The following STPG4 variants were observed in gnomAD, a reference collection of about 807,000 sequenced individuals.
STPG4 encodes protein STPG4.
In STPG4, 41 loss-of-function variants were observed where a neutral mutation model predicts 31.5. The ratio of observed to expected loss-of-function variants is 1.30; its 90% confidence interval spans 1.01 to 1.69. The LOEUF (loss-of-function observed/expected upper bound fraction) is 1.69. Among genes scored for constraint, STPG4 ranks in the 40% most tolerant of loss-of-function variants. The probability of loss-of-function intolerance (pLI) is 0.00; values close to 1 mark genes in which losing one functional copy is unlikely to be tolerated. For missense variants in STPG4, 375 were observed against 293.4 expected (o/e 1.28, Z -2.03); for synonymous variants, 141 against 103.0 (o/e 1.37, Z -2.24).
intron 5 of STPG4, among the ~76,000 whole-genome samples, chr2:47,099,024 G>A (rs748716427): frequency 6.6e-6 from 1 of 152,196 alleles, no homozygotes; most frequent in Non-Finnish European, 1.5e-5. Flanking sequence ...CGATACCTCT[G>A]AAGTCTACCT....
chr2:47,121,007 G>C (rs1488815447), intron 5 of STPG4: 2 of 152,648 alleles, frequency 1.3e-5, no homozygotes, highest in Non-Finnish European at 2.9e-5. Context: ...AGGAATAGTA[G>C]CTGACCTGGC....
intron 6 of STPG4, 91 bp from the exon 7 acceptor site, chr2:47,087,221 A>G (rs1573137800): frequency 6.9e-7 from 1 of 1,442,922 alleles, no homozygotes; most frequent in Non-Finnish European, 9.4e-7. Context: ...GATGTGGTGG[A>G]CAAATTCCCC....
chr2:47,087,399 GC>G (rs1245086382), intron 6 of STPG4, among the ~76,000 whole-genome samples: 6 of 152,228 alleles, frequency 3.9e-5, no homozygotes, highest in African/African-American at 1.4e-4. Context: ...GCTGGGAGAG[GC>G]GGGGTCACAT....
intron 5 of STPG4, among the ~76,000 whole-genome samples, chr2:47,095,792 A>G (rs1460084757): frequency 6.6e-6 from 1 of 152,180 alleles, no homozygotes; most frequent in Non-Finnish European, 1.5e-5. Context: ...CCTGGCAGCT[A>G]GGTGTGGCTG....
At chr2:47,112,523 TCAC>T (rs1358604324) in intron 5 of STPG4, among the ~76,000 whole-genome samples, 3 of 152,230 alleles carry the variant, frequency 2.0e-5, no homozygotes, top group African/African-American at 7.2e-5. Context: ...GAGCTCATTT[TCAC>T]TGATCATGTT....
In STPG4 at chr2:47,114,023, G is replaced by T. The variant is rs192600734; in HGVS notation, c.519+15918C>A. On this transcript the variant is annotated intron_variant, in intron 5 of 6. Transcript: ENST00000445927. ...CAGCCTGGGCGACAAAGTGAGACTT[G>T]TCTCAAAAAAAAAAACAAAAACAAA... Among the ~76,000 whole-genome samples the T allele has an allele frequency of 2.1e-5, 3 of 145,926 alleles. No individual in the cohort carries two copies. In the Admixed American group the frequency reaches 2.1e-4, roughly 10 times the overall value.
chr2:47,099,895 G>C (rs1214609366), intron 5 of STPG4, among the ~76,000 whole-genome samples: 1 of 152,190 alleles, frequency 6.6e-6, no homozygotes, highest in Admixed American at 6.5e-5. Context: ...TGCGGAGGGT[G>C]TACTGGGTCC....
At chr2:47,142,424 GA>G (rs914797009) in intron 3 of STPG4, among the ~76,000 whole-genome samples, 1 of 151,954 alleles carries the variant, frequency 6.6e-6, no homozygotes, top group African/African-American at 2.4e-5. Flanking sequence ...GATTTTCATT[GA>G]AATGTTCCCA....
chr2:47,091,031 A>G (rs1414971651), intron 5 of STPG4, among the ~76,000 whole-genome samples: 1 of 152,164 alleles, frequency 6.6e-6, no homozygotes, highest in Non-Finnish European at 1.5e-5. Context: ...TTAAAAAACA[A>G]ACTTCCTTTT....
chr2:47,140,887 C>T lies in STPG4; in HGVS notation c.399+10371G>A, dbSNP rs115777957. ...CAGAAGGCTGGCAGGTACCATATTT[C>T]CAGGTACTTTTTTTTTTTTCTTTTT... is the stretch of plus-strand genomic sequence containing the variant. On this transcript the variant is annotated intron_variant, in intron 3 of 6. Coordinates refer to ENST00000445927, the MANE Select transcript of STPG4 (RefSeq NM_001163561.2). Among the ~76,000 whole-genome samples the T allele has an allele frequency of 2.1e-3, 298 of 139,564 alleles. 2 individuals carry two copies. Among genetic ancestry groups the T allele is most frequent in the African/African-American group, 7.9e-3 (292 of 36,844 alleles). 91.6% of individuals were successfully genotyped at this position (139,564 alleles called of 152,430 possible). A position where few individuals can be genotyped will look rare whatever the true frequency, so the allele number is the denominator to read the frequency against.
intron 3 of STPG4, among the ~76,000 whole-genome samples, chr2:47,133,594 T>TTTTTTTAG (rs1686534065): frequency 6.9e-6 from 1 of 145,306 alleles, no homozygotes; most frequent in Non-Finnish European, 1.5e-5. Context: ...TTTTTTTTTT[T>TTTTTTTAG]GAGACTGAGT....
chr2:47,112,989 C>CAAAAAAAAAAAAAAAAAAAAAAAA (rs70940656), intron 5 of STPG4, among the ~76,000 whole-genome samples: 1 of 93,672 alleles, frequency 1.1e-5, no homozygotes, highest in Non-Finnish European at 2.1e-5. Flanking sequence ...AAGACTATCT[C>CAAAAAAAAAAAAAAAAAAAAAAAA]AAAAAAAAAA....
chr2:47,099,461 G>T (rs1325677568), intron 5 of STPG4, among the ~76,000 whole-genome samples: 1 of 152,278 alleles, frequency 6.6e-6, no homozygotes, highest in Non-Finnish European at 1.5e-5. Flanking sequence ...TTTGCTAACA[G>T]TAGGAGAAGC....
intron 6 of STPG4, among the ~76,000 whole-genome samples, chr2:47,087,362 G>A (rs1187350484): frequency 6.6e-6 from 1 of 152,240 alleles, no homozygotes; most frequent in Non-Finnish European, 1.5e-5. Flanking sequence ...TAACAGGCCA[G>A]GCCAAGCCAG....
chr2:47,106,609 G>A (rs1685916255), intron 5 of STPG4, among the ~76,000 whole-genome samples: 1 of 151,922 alleles, frequency 6.6e-6, no homozygotes, highest in South Asian at 2.1e-4. Context: ...TGAAAAAGGA[G>A]GACTCTGCAC....
At chr2:47,147,675 G>A (rs920949850) in intron 3 of STPG4, among the ~76,000 whole-genome samples, 7 of 152,120 alleles carry the variant, frequency 4.6e-5, no homozygotes, top group African/African-American at 1.7e-4. Flanking sequence ...AAGAGTGACA[G>A]TGAGGGAAGG....
At position 47,126,640 on chromosome 2, in the gene STPG4, T is replaced by C. The variant is rs35671859; in HGVS notation, c.519+3301A>G. Among the ~76,000 whole-genome samples, 546 of 152,318 alleles carry C rather than the reference T, an allele frequency of 3.6e-3. 2 individuals carry two copies. Among genetic ancestry groups the C allele is most frequent in the Middle Eastern group, 6.8e-3 (2 of 294 alleles). ...CTGCACCTGGCCTCAGATGATTTCT[T>C]GTTGCTCATTAATGTCCTTTCCTTT... On this transcript the variant is annotated intron_variant, in intron 5 of 6. Transcript: ENST00000445927.
intron 5 of STPG4, among the ~76,000 whole-genome samples, chr2:47,127,507 C>T (rs1034823758): frequency 6.6e-6 from 1 of 151,934 alleles, no homozygotes; most frequent in African/African-American, 2.4e-5. Flanking sequence ...GGCCTCAAGC[C>T]GTCTGCCTGC....
At chr2:47,135,522 G>A (rs1489593747) in intron 3 of STPG4, among the ~76,000 whole-genome samples, 1 of 152,084 alleles carries the variant, frequency 6.6e-6, no homozygotes, top group East Asian at 1.9e-4. Flanking sequence ...AAGTAGCTAG[G>A]ATTACAGGCA....
Sources: gnomAD v4.1 joint callset for allele counts (sites outside exome capture counted in the v4.1 genomes callset) on GRCh38, gnomAD v4.1.1 for gene constraint, MANE v1.5 for transcripts, NCBI Gene and HGNC (gene_info 2026-07-23, HGNC 2026-07-21) for gene names.